KIF26B: variants seen among roughly 807,000 people sequenced by gnomAD.
KIF26B encodes the protein kinesin-like protein KIF26B.
In KIF26B, 63 loss-of-function variants were observed where a neutral mutation model predicts 151.2. The observed-to-expected ratio is 0.42, with a 90% CI of 0.34 to 0.51. The LOEUF is 0.51. Ranked by LOEUF, KIF26B falls within the 20% of genes least tolerant of loss-of-function variation. The pLI, the probability that KIF26B is intolerant of heterozygous loss-of-function variation, is 0.07. For missense variants in KIF26B, 2,813 were observed against 2,913.6 expected (o/e 0.97, Z 0.79); for synonymous variants, 1,357 against 1,262.1 (o/e 1.08, Z -1.59).
At chr1:245,168,241 G>A (rs946164164) in intron 2 of KIF26B, among the ~76,000 whole-genome samples, 2 of 152,216 alleles carry the variant, frequency 1.3e-5, no homozygotes, top group Non-Finnish European at 2.9e-5. Context: ...GGGCTGCCAT[G>A]TTTGTGGGAC....
At chr1:245,177,665 GGTGTGTGTGTGTGTGT>G (rs111597803) in intron 2 of KIF26B, among the ~76,000 whole-genome samples, 3 of 149,170 alleles carry the variant, frequency 2.0e-5, no homozygotes, top group African/African-American at 7.4e-5. Flanking sequence ...TGTCCTTAGG[GGTGTGTGTGTGTGTGT>G]GTGTGTGTGT....
chr1:245,691,392 A>T (rs1008457176), intron 12 of KIF26B, among the ~76,000 whole-genome samples: 9 of 152,236 alleles, frequency 5.9e-5, no homozygotes, highest in Admixed American at 5.9e-4. Flanking sequence ...CAGGTGCTAG[A>T]AATGGATTTC....
At chr1:245,268,549 C>A (rs1670793180) in intron 2 of KIF26B, among the ~76,000 whole-genome samples, 1 of 149,262 alleles carries the variant, frequency 6.7e-6, no homozygotes, top group African/African-American at 2.5e-5. Flanking sequence ...GATTTTAGAC[C>A]AATGTGAGGG....
intron 3 of KIF26B, among the ~76,000 whole-genome samples, chr1:245,380,673 A>G (rs1171809372): frequency 1.3e-5 from 2 of 152,044 alleles, no homozygotes; most frequent in Non-Finnish European, 2.9e-5. Context: ...TCTCCCATGC[A>G]TTTACCCCTG....
intron 9 of KIF26B, among the ~76,000 whole-genome samples, chr1:245,640,438 A>G (rs1386514942): frequency 6.6e-6 from 1 of 151,676 alleles, no homozygotes; most frequent in African/African-American, 2.4e-5. Flanking sequence ...TAGGCAACAT[A>G]TACTTGGGTC....
At position 245,216,363 on chromosome 1, in the gene KIF26B, C is replaced by A. The variant is rs568197717; in HGVS notation, c.465+59680C>A. On this transcript the variant is annotated intron_variant, in intron 2 of 14. Coordinates refer to ENST00000407071, the MANE Select transcript of KIF26B (RefSeq NM_018012.4). ...CATTTATGTTTATGAACAGGGTAAA[C>A]TCAGAGACTTGCAACCTTTACCCCG... 7 of 152,246 alleles carry A rather than the reference C, an allele frequency of 4.6e-5. No homozygotes were observed. In the South Asian group the frequency reaches 1.2e-3, roughly 27 times the overall value. 9.4% of individuals were successfully genotyped at this position (152,246 alleles called of 1,614,324 possible).
chr1:245,513,215 C>T (rs1402408065), intron 4 of KIF26B, among the ~76,000 whole-genome samples: 5 of 150,968 alleles, frequency 3.3e-5, no homozygotes, highest in Admixed American at 3.3e-4. Flanking sequence ...TGCACCCCCC[C>T]CCAACCCCGC....
chr1:245,274,790 T>C (rs1407577985), intron 2 of KIF26B, among the ~76,000 whole-genome samples: 1 of 152,064 alleles, frequency 6.6e-6, no homozygotes, highest in African/African-American at 2.4e-5. Context: ...TTCTAGATCC[T>C]TGAGGAATCT....
intron 2 of KIF26B, among the ~76,000 whole-genome samples, chr1:245,299,452 A>G (rs943374647): frequency 4.0e-5 from 6 of 150,950 alleles, no homozygotes; most frequent in African/African-American, 1.5e-4. Context: ...TGGTATTTTC[A>G]TAGGAAAGGC....
chr1:245,319,502 C>G (rs2102986337), intron 2 of KIF26B, among the ~76,000 whole-genome samples: 1 of 143,802 alleles, frequency 7.0e-6, no homozygotes, highest in East Asian at 2.0e-4. Flanking sequence ...AAAGTAATTA[C>G]TACGCCAAGT....
At chr1:245,264,562 C>T (rs1193866680) in intron 2 of KIF26B, among the ~76,000 whole-genome samples, 3 of 151,508 alleles carry the variant, frequency 2.0e-5, no homozygotes, top group Non-Finnish European at 4.4e-5. Flanking sequence ...CCAACTTGTT[C>T]TAGATTATTG....
At chr1:245,657,883 T>C (rs1043348518) in intron 10 of KIF26B, among the ~76,000 whole-genome samples, 1 of 152,170 alleles carries the variant, frequency 6.6e-6, no homozygotes, top group Non-Finnish European at 1.5e-5. Context: ...ACCTACTCAG[T>C]CTATAGAATG....
rs911240982 is a variant in KIF26B at position 245,516,881 on chromosome 1, G to A, written c.1167-23886G>A. Among the ~76,000 whole-genome samples the A allele has an allele frequency of 1.3e-5, 2 of 152,142 alleles. No individual in the cohort carries two copies. The highest frequency in any genetic ancestry group is 2.4e-5 in the African/African-American group (1 of 41,426). ...TGGGGACTAAAAGCTGGTGATTGGCGGAGTTTGGGGGTGGGGAGGGGGCGC... is the reference window on the plus strand; with the variant it reads ...TGGGGACTAAAAGCTGGTGATTGGCAGAGTTTGGGGGTGGGGAGGGGGCGC... On this transcript the variant is annotated intron_variant, in intron 4 of 14. Transcript: ENST00000407071. This position sits in a 1 kb window ranked among gnomAD's most constrained non-coding sequence, Gnocchi z 4.2.
At chr1:245,366,138 T>G (rs1672944041) in intron 2 of KIF26B, among the ~76,000 whole-genome samples, 1 of 152,134 alleles carries the variant, frequency 6.6e-6, no homozygotes, top group Non-Finnish European at 1.5e-5. Flanking sequence ...GGTCCAGAAT[T>G]GCACTCACCC....
At chr1:245,683,962 C>T (rs1400925373) in intron 10 of KIF26B, among the ~76,000 whole-genome samples, 2 of 152,222 alleles carry the variant, frequency 1.3e-5, no homozygotes, top group African/African-American at 4.8e-5. Context: ...GTCACAGACA[C>T]ACACGCCCAG....
chr1:245,265,201 CAAAAAAA>C (rs59716075), intron 2 of KIF26B, among the ~76,000 whole-genome samples: 5 of 47,428 alleles, frequency 1.1e-4, no homozygotes, highest in Non-Finnish European at 1.8e-4. Flanking sequence ...GACTCCATCT[CAAAAAAA>C]AAAAAAAAAA....
intron 4 of KIF26B, among the ~76,000 whole-genome samples, chr1:245,500,459 T>C (rs1337131269): frequency 6.6e-6 from 1 of 152,236 alleles, no homozygotes; most frequent in African/African-American, 2.4e-5. Flanking sequence ...AAGTATAAAA[T>C]CCATAACTCT....
intron 2 of KIF26B, among the ~76,000 whole-genome samples, chr1:245,177,895 A>T (rs1283905883): frequency 6.6e-6 from 1 of 151,926 alleles, no homozygotes; most frequent in Non-Finnish European, 1.5e-5. Context: ...GTCAGCGGGG[A>T]TTAGGGTTTT....
At chr1:245,653,699 A>G (rs1474177686) in intron 10 of KIF26B, among the ~76,000 whole-genome samples, 1 of 152,184 alleles carries the variant, frequency 6.6e-6, no homozygotes, top group Admixed American at 6.5e-5. Context: ...ATTTGTTGCA[A>G]TAACAAGTGG....
Sources: allele counts gnomAD v4.1 joint callset (sites outside exome capture counted in the v4.1 genomes callset), GRCh38; gene constraint gnomAD v4.1.1; non-coding constraint Gnocchi (gnomAD v3.1); transcripts MANE v1.5; gene names NCBI Gene and HGNC (gene_info 2026-07-23, HGNC 2026-07-21).